Variants in CTNNA3 observed in about 807,000 individuals in gnomAD.
The protein encoded by CTNNA3 is catenin alpha 3.
Under a neutral mutation model 95.7 loss-of-function variants are expected in CTNNA3, and 76 were observed. That is an observed-to-expected ratio of 0.79 (90% confidence interval 0.66 to 0.96). The LOEUF is 0.96. CTNNA3 is among the 40% of genes least tolerant of loss of function. CTNNA3 has a pLI of 0.00. For synonymous variants in CTNNA3, 431 were observed against 374.4 expected (o/e 1.15, Z -1.74); for missense variants, 1,191 against 1,089.8 (o/e 1.09, Z -1.31).
At chr10:66,802,498 G>A (rs184356898) in intron 7 of CTNNA3, among the ~76,000 whole-genome samples, 6 of 151,896 alleles carry the variant, frequency 4.0e-5, no homozygotes, top group African/African-American at 1.4e-4. Context: ...ACCAAATGTT[G>A]GCAAGGATGT....
intron 13 of CTNNA3, among the ~76,000 whole-genome samples, chr10:66,155,530 T>C (rs1034334303): frequency 4.0e-5 from 6 of 151,722 alleles, no homozygotes; most frequent in Non-Finnish European, 7.4e-5. Flanking sequence ...TGGAAAAAAG[T>C]CCAGAAACAA....
At chr10:66,695,289 A>T (rs759810166) in intron 9 of CTNNA3, among the ~76,000 whole-genome samples, 3 of 152,174 alleles carry the variant, frequency 2.0e-5, no homozygotes, top group Non-Finnish European at 4.4e-5. Context: ...AAAACAAGCA[A>T]GGCTGGGAAT....
chr10:67,043,497 A>G (rs749924794), intron 7 of CTNNA3, among the ~76,000 whole-genome samples: 1 of 151,942 alleles, frequency 6.6e-6, no homozygotes, highest in Non-Finnish European at 1.5e-5. Context: ...AGCTCTTCCA[A>G]TTTCTTCTAG....
intron 9 of CTNNA3, among the ~76,000 whole-genome samples, chr10:66,659,844 C>A (rs949094491): frequency 1.3e-5 from 2 of 152,114 alleles, no homozygotes; most frequent in East Asian, 3.9e-4. Flanking sequence ...AATAAACTTC[C>A]GCTGTTTATA....
chr10:66,530,666 G>C (rs952794940), intron 10 of CTNNA3, among the ~76,000 whole-genome samples: 9 of 152,038 alleles, frequency 5.9e-5, no homozygotes, highest in African/African-American at 2.2e-4. Flanking sequence ...AACCTGCCAT[G>C]GACTCCAGGT....
chr10:66,555,406 TA>T (rs2132119519), intron 10 of CTNNA3, among the ~76,000 whole-genome samples: 1 of 152,240 alleles, frequency 6.6e-6, no homozygotes, highest in South Asian at 2.1e-4. Context: ...AGATAAACCT[TA>T]AATAAGTGTA....
rs138073261 is a variant in CTNNA3, at chr10:66,094,560, T to G, written c.1977+8597A>C. ...AACTAAAGGAGGGACCAAGATGGCA[T>G]GAATGTTCCCCTCCGCTTGAAAACG... On this transcript the variant is annotated intron_variant, in intron 14 of 17. Coordinates refer to ENST00000433211, the MANE Select transcript of CTNNA3 (RefSeq NM_013266.4). Among the ~76,000 whole-genome samples, 66 of 152,186 alleles carry G rather than the reference T, an allele frequency of 4.3e-4. 2 individuals carry two copies. Among genetic ancestry groups the G allele is most frequent in the African/African-American group, 1.6e-3 (65 of 41,556 alleles).
intron 10 of CTNNA3, among the ~76,000 whole-genome samples, chr10:66,538,375 T>C (rs1222617110): frequency 6.6e-6 from 1 of 152,196 alleles, no homozygotes; most frequent in Non-Finnish European, 1.5e-5. Flanking sequence ...GACTTGCTTT[T>C]TCTGGGGAAG....
chr10:66,447,246 C>A (rs555482472), intron 11 of CTNNA3, among the ~76,000 whole-genome samples: 1 of 152,224 alleles, frequency 6.6e-6, no homozygotes, highest in South Asian at 2.1e-4. Context: ...AATGGCCATA[C>A]TGGCCAGGTA....
intron 9 of CTNNA3, among the ~76,000 whole-genome samples, chr10:66,651,150 A>G (rs928219614): frequency 9.9e-5 from 15 of 152,152 alleles, no homozygotes; most frequent in Non-Finnish European, 1.6e-4. Context: ...TGAGCTAGAC[A>G]AAGAGTGCTG....
Position 66,954,604 on chromosome 10 carries a change from A to G in CTNNA3, c.1048-179080T>C, listed in dbSNP as rs139215163. On this transcript the variant is annotated intron_variant, in intron 7 of 17. Coordinates refer to ENST00000433211, the MANE Select transcript of CTNNA3 (RefSeq NM_013266.4). ...TTAGCTTCAGTTAAAATTATGTCAA[A>G]TTGTTAACAGAAGGAAAATGAGGTT... Among the ~76,000 whole-genome samples the G allele has an allele frequency of 3.3e-5, 5 of 152,304 alleles. No homozygotes were observed. In the East Asian group the frequency reaches 9.6e-4, roughly 29 times the overall value.
chr10:67,554,357 C>G (rs2133236691), intron 3 of CTNNA3, among the ~76,000 whole-genome samples: 1 of 152,312 alleles, frequency 6.6e-6, no homozygotes, highest in African/African-American at 2.4e-5. Context: ...AATGGTTGAA[C>G]TAGTTTACAG....
At chr10:66,212,804 G>A (rs2088255238) in intron 13 of CTNNA3, among the ~76,000 whole-genome samples, 1 of 152,164 alleles carries the variant, frequency 6.6e-6, no homozygotes, top group African/African-American at 2.4e-5. Context: ...AGGAGTTTGA[G>A]ACCAGCCTGG....
intron 7 of CTNNA3, among the ~76,000 whole-genome samples, chr10:66,800,314 G>A (rs1238711545): frequency 6.6e-6 from 1 of 150,972 alleles, no homozygotes; most frequent in Admixed American, 6.6e-5. Flanking sequence ...AATATCAAAA[G>A]CCTAAGTGAT....
In CTNNA3 at chr10:66,931,665, T is replaced by C. The variant is rs560108135; in HGVS notation, c.1048-156141A>G. Among the ~76,000 whole-genome samples the C allele has an allele frequency of 5.3e-5, 8 of 152,082 alleles. No homozygotes were observed. In the South Asian group the frequency reaches 1.4e-3, roughly 28 times the overall value. ...TTTTGACTAGTAAATCAGATTTGAA[T>C]TTTATTTAATTCATTTCCTTGGGAA... On this transcript the variant is annotated intron_variant, in intron 7 of 17. Coordinates refer to ENST00000433211, the MANE Select transcript of CTNNA3 (RefSeq NM_013266.4).
intron 7 of CTNNA3, among the ~76,000 whole-genome samples, chr10:67,175,668 C>G (rs1862206155): frequency 3.9e-5 from 6 of 152,136 alleles, no homozygotes; most frequent in African/African-American, 9.7e-5. Context: ...TCACTCAGTT[C>G]TAATAATCCC....
chr10:67,387,596 C>T (rs1049374845), intron 5 of CTNNA3, among the ~76,000 whole-genome samples: 15 of 152,324 alleles, frequency 9.8e-5, no homozygotes, highest in Middle Eastern at 3.4e-3. Flanking sequence ...TAGGCTCCAC[C>T]TCTGGGGGCA....
At chr10:66,211,208 C>T (rs1430712561) in intron 13 of CTNNA3, among the ~76,000 whole-genome samples, 1 of 152,088 alleles carries the variant, frequency 6.6e-6, no homozygotes, top group East Asian at 1.9e-4. Context: ...ACATTTTGGC[C>T]AAGGCGTGAA....
At chr10:66,014,859 C>T (rs980836387) in intron 15 of CTNNA3, among the ~76,000 whole-genome samples, 2 of 152,120 alleles carry the variant, frequency 1.3e-5, no homozygotes, top group Non-Finnish European at 2.9e-5. Context: ...AATCCCAGCA[C>T]TGTGGGAGGC....
Sources: gnomAD v4.1 joint callset for allele counts (sites outside exome capture counted in the v4.1 genomes callset) on GRCh38, gnomAD v4.1.1 for gene constraint, MANE v1.5 for transcripts, NCBI Gene and HGNC (gene_info 2026-07-23, HGNC 2026-07-21) for gene names.